The following ACTR3C variants were observed in gnomAD, a reference collection of about 807,000 sequenced individuals.
ACTR3C encodes the protein actin-related protein 3C.
ACTR3C carries 18 observed loss-of-function variants against 26.3 expected under a neutral mutation model. The ratio of observed to expected loss-of-function variants is 0.68; its 90% CI spans 0.47 to 1.01. The LOEUF (loss-of-function observed/expected upper bound fraction) is 1.01. Ranked by LOEUF, ACTR3C falls within the 50% of genes least tolerant of loss-of-function variation. The probability of loss-of-function intolerance (pLI) is 0.00; values close to 1 mark genes in which losing one functional copy is unlikely to be tolerated. For synonymous variants in ACTR3C, 55 were observed against 94.5 expected (o/e 0.58, Z 2.42); for missense variants, 184 against 250.7 (o/e 0.73, Z 1.80).
chr7:150,175,347 C>A, the ACTR3C span, among the ~76,000 whole-genome samples: 1 of 141,906 alleles, frequency 7.0e-6, no homozygotes, highest in South Asian at 2.2e-4. Flanking sequence ...TACACATGTT[C>A]CCCACCTTAA....
At chr7:149,897,446 G>A in the ACTR3C span, among the ~76,000 whole-genome samples, 14 of 152,346 alleles carry the variant, frequency 9.2e-5, no homozygotes, top group East Asian at 2.7e-3. Flanking sequence ...GAGCTATTAA[G>A]CTAGCTAGAA....
At chr7:150,118,324 C>A in the ACTR3C span, among the ~76,000 whole-genome samples, 1 of 151,872 alleles carries the variant, frequency 6.6e-6, no homozygotes, top group Non-Finnish European at 1.5e-5. Flanking sequence ...TGCAAGGAAG[C>A]TAAGAACTTT....
At chr7:150,299,306 T>G (rs1240220917) in intron 1 of ACTR3C, among the ~76,000 whole-genome samples, 1 of 148,398 alleles carries the variant, frequency 6.7e-6, no homozygotes, top group African/African-American at 2.5e-5. Context: ...AAAAACAAGG[T>G]GTGGTAGCCG....
the ACTR3C span, among the ~76,000 whole-genome samples, chr7:150,081,845 A>G: frequency 6.6e-6 from 1 of 151,552 alleles, no homozygotes; most frequent in Non-Finnish European, 1.5e-5. Flanking sequence ...AAGAACAAAC[A>G]GGCTCAGGAG....
At chr7:150,303,320 G>A (rs994630206) in intron 1 of ACTR3C, among the ~76,000 whole-genome samples, 4 of 152,148 alleles carry the variant, frequency 2.6e-5, no homozygotes, top group African/African-American at 9.7e-5. Context: ...TGATCATGAG[G>A]CATCCTTAGA....
At chr7:150,029,407 A>AG in the ACTR3C span, among the ~76,000 whole-genome samples, 1 of 100,908 alleles carries the variant, frequency 9.9e-6, no homozygotes, top group South Asian at 3.6e-4. Context: ...CAAAAACAAA[A>AG]AAAAAAAAAA....
At chr7:149,897,971 G>A in the ACTR3C span, among the ~76,000 whole-genome samples, 1 of 152,200 alleles carries the variant, frequency 6.6e-6, no homozygotes, top group Non-Finnish European at 1.5e-5. Context: ...AAAGACACAG[G>A]GCAGAAATCA....
the ACTR3C span, among the ~76,000 whole-genome samples, chr7:149,933,322 C>G: frequency 2.6e-4 from 40 of 151,372 alleles, no homozygotes; most frequent in East Asian, 4.9e-3. Flanking sequence ...ACTAGCAAAT[C>G]TGGCGATCTT....
At chr7:149,926,005 C>G in the ACTR3C span, among the ~76,000 whole-genome samples, 1 of 151,982 alleles carries the variant, frequency 6.6e-6, no homozygotes, top group African/African-American at 2.4e-5. Context: ...GGAGGTTGCA[C>G]TGAGTGGAGA....
chr7:149,933,128 C>T, the ACTR3C span, among the ~76,000 whole-genome samples: 1 of 124,978 alleles, frequency 8.0e-6, no homozygotes, highest in African/African-American at 2.9e-5. Context: ...ACTCACACAC[C>T]TGCACAGTAG....
chr7:150,070,280 T>C, the ACTR3C span, among the ~76,000 whole-genome samples: 1 of 152,178 alleles, frequency 6.6e-6, no homozygotes, highest in African/African-American at 2.4e-5. Context: ...AACTCACACC[T>C]GGTGCCCTCA....
chr7:150,127,717 TTAA>T, the ACTR3C span, among the ~76,000 whole-genome samples: 1 of 152,130 alleles, frequency 6.6e-6, no homozygotes, highest in African/African-American at 2.4e-5. Flanking sequence ...GCGACTTGTA[TTAA>T]TATGTTTTCA....
the ACTR3C span, among the ~76,000 whole-genome samples, chr7:150,212,148 T>A: frequency 1.4e-5 from 2 of 146,764 alleles, no homozygotes; most frequent in East Asian, 3.8e-4. Flanking sequence ...TTTGACTAAA[T>A]CCATATTGCT....
the ACTR3C span, among the ~76,000 whole-genome samples, chr7:149,976,522 T>C: frequency 3.5e-5 from 5 of 142,574 alleles, no homozygotes; most frequent in African/African-American, 1.3e-4. Context: ...TGCAGTGAGC[T>C]GAGATCGCAC....
chr7:150,198,059 C>A, the ACTR3C span, among the ~76,000 whole-genome samples: 3 of 151,414 alleles, frequency 2.0e-5, no homozygotes, highest in Non-Finnish European at 4.4e-5. Context: ...TTGGCCGGGC[C>A]GGTCTCCAGC....
the ACTR3C span, among the ~76,000 whole-genome samples, chr7:150,103,062 GGTGTGTGTGT>G: frequency 5.6e-5 from 8 of 142,226 alleles, no homozygotes; most frequent in Admixed American, 1.4e-4. Flanking sequence ...ATACAAAACA[GGTGTGTGTGT>G]ATGTGTGTGT....
the ACTR3C span, among the ~76,000 whole-genome samples, chr7:149,893,836 C>T: frequency 3.3e-5 from 5 of 152,160 alleles, no homozygotes; most frequent in African/African-American, 7.2e-5. Flanking sequence ...TTCTCTGAAT[C>T]AAAATCTTTG....
the ACTR3C span, among the ~76,000 whole-genome samples, chr7:150,045,698 A>G: frequency 1.3e-5 from 2 of 152,178 alleles, no homozygotes; most frequent in African/African-American, 4.8e-5. Flanking sequence ...TCATTTCTAG[A>G]CACATGTCAC....
At chr7:150,295,122 G>A in intron 2 of ACTR3C, 130 bp downstream of exon 2, 2 of 1,104,438 alleles carry the variant, frequency 1.8e-6, no homozygotes, top group Non-Finnish European at 2.6e-6. Context: ...ATGGCATGGG[G>A]ACGGGGGAGG....
Sources: gnomAD v4.1 joint callset for allele counts (sites outside exome capture counted in the v4.1 genomes callset) on GRCh38, gnomAD v4.1.1 for gene constraint, MANE v1.5 for transcripts, NCBI Gene and HGNC (gene_info 2026-07-23, HGNC 2026-07-21) for gene names.